Variants in GRAMD2B observed in about 807,000 individuals in gnomAD.
The protein encoded by GRAMD2B is GRAM domain containing 2B.
Under a neutral mutation model 59.2 loss-of-function variants are expected in GRAMD2B, and 41 were observed. The observed-to-expected ratio is 0.69, with a 90% CI of 0.54 to 0.90. The LOEUF (loss-of-function observed/expected upper bound fraction) is 0.90. Among genes scored for constraint, GRAMD2B ranks in the 40% least tolerant of loss-of-function variants. The probability of loss-of-function intolerance (pLI) is 0.00; values close to 1 mark genes in which losing one functional copy is unlikely to be tolerated. For synonymous variants in GRAMD2B, 161 were observed against 182.7 expected (o/e 0.88, Z 0.96); for missense variants, 424 against 500.5 (o/e 0.85, Z 1.46).
intron 1 of GRAMD2B, among the ~76,000 whole-genome samples, chr5:126,454,868 T>A (rs62394662): frequency 1.3e-5 from 2 of 152,286 alleles, no homozygotes; most frequent in East Asian, 3.9e-4. Flanking sequence ...ATTCTTTTTA[T>A]TGTTGACCTA....
chr5:126,374,479 T>G (rs1231019039), intron 1 of GRAMD2B, among the ~76,000 whole-genome samples: 1 of 152,232 alleles, frequency 6.6e-6, no homozygotes, highest in African/African-American at 2.4e-5. Context: ...TTGTTATGTG[T>G]TGCAAGTATT....
chr5:126,391,070 G>A (rs1187671367), intron 1 of GRAMD2B, among the ~76,000 whole-genome samples: 1 of 151,918 alleles, frequency 6.6e-6, no homozygotes, highest in African/African-American at 2.4e-5. Flanking sequence ...TTAAAATCTG[G>A]TACAGGAGTT....
chr5:126,378,323 TA>T (rs1561460862), intron 1 of GRAMD2B, among the ~76,000 whole-genome samples: 1 of 152,172 alleles, frequency 6.6e-6, no homozygotes, highest in Admixed American at 6.5e-5. Context: ...CTATAAATTA[TA>T]AAAAAATATT....
chr5:126,476,026 T>G (rs901418231), intron 5 of GRAMD2B, among the ~76,000 whole-genome samples: 1 of 152,190 alleles, frequency 6.6e-6, no homozygotes, highest in Non-Finnish European at 1.5e-5. Flanking sequence ...GAGAATCACT[T>G]GAACCCAGTG....
intron 1 of GRAMD2B, among the ~76,000 whole-genome samples, chr5:126,408,217 CT>C (rs990057377): frequency 5.3e-5 from 8 of 151,988 alleles, no homozygotes; most frequent in African/African-American, 1.7e-4. Flanking sequence ...TTTTCTGTTC[CT>C]GTGTTAATTC....
chr5:126,407,627 A>G (rs903055861), intron 1 of GRAMD2B, among the ~76,000 whole-genome samples: 5 of 152,040 alleles, frequency 3.3e-5, no homozygotes, highest in Admixed American at 2.6e-4. Context: ...CAGCATAAAT[A>G]GGGTTCAAAT....
At chr5:126,438,707 G>A (rs995781939) in intron 1 of GRAMD2B, among the ~76,000 whole-genome samples, 1 of 152,164 alleles carries the variant, frequency 6.6e-6, no homozygotes, top group Non-Finnish European at 1.5e-5. Context: ...AATGTGGTCA[G>A]AATCTTGGTA....
chr5:126,422,748 G>A (rs2149778569), upstream of GRAMD2B, among the ~76,000 whole-genome samples: 1 of 152,318 alleles, frequency 6.6e-6, no homozygotes, highest in Non-Finnish European at 1.5e-5. Flanking sequence ...GGAAGAAGAG[G>A]CATTCACGGT....
intron 1 of GRAMD2B, among the ~76,000 whole-genome samples, chr5:126,381,702 C>T (rs1047132432): frequency 1.3e-5 from 2 of 151,964 alleles, no homozygotes; most frequent in Admixed American, 6.6e-5. Flanking sequence ...ATTAGTATTG[C>T]GATGTGAGGT....
intron 1 of GRAMD2B, 80 bp from the exon 2 acceptor site, chr5:126,465,346 A>T: frequency 6.3e-7 from 1 of 1,599,440 alleles, no homozygotes. Flanking sequence ...ATTCTCTAGA[A>T]AACCATGTTA....
At chr5:126,398,342 T>A (rs1048078472) in intron 1 of GRAMD2B, among the ~76,000 whole-genome samples, 1 of 152,114 alleles carries the variant, frequency 6.6e-6, no homozygotes, top group African/African-American at 2.4e-5. Context: ...TTCTGTATCT[T>A]CATGATTCAG....
intron 13 of GRAMD2B, among the ~76,000 whole-genome samples, chr5:126,490,125 A>G (rs1581300286): frequency 6.6e-6 from 1 of 152,202 alleles, no homozygotes; most frequent in East Asian, 1.9e-4. Flanking sequence ...AACCTAGAGA[A>G]GGTATGAGTT....
intron 5 of GRAMD2B, among the ~76,000 whole-genome samples, chr5:126,477,351 T>G (rs1337166110): frequency 6.6e-6 from 1 of 152,226 alleles, no homozygotes; most frequent in Non-Finnish European, 1.5e-5. Context: ...CCAAAGTGGA[T>G]GACCACAAGC....
Position 126,480,796 on chromosome 5 carries a change from G to A in GRAMD2B, c.735+89G>A. On this transcript the variant is annotated intron_variant, in intron 8 of 13. Coordinates refer to ENST00000285689, the MANE Select transcript of GRAMD2B (RefSeq NM_023927.4). Reference sequence around the variant, plus strand: ...TGCTTACACCATGACCAGGGTGTGGGAAGAGCTTAGGACCAAAATATTTGA... The same window carrying A: ...TGCTTACACCATGACCAGGGTGTGGAAAGAGCTTAGGACCAAAATATTTGA... The A allele has an allele frequency of 9.9e-6, 12 of 1,209,028 alleles. No individual in the cohort carries two copies. In the South Asian group the frequency reaches 1.5e-4, roughly 15 times the overall value. 74.9% of individuals were successfully genotyped at this position (1,209,028 alleles called of 1,614,324 possible). A position where few individuals can be genotyped will look rare whatever the true frequency, so the allele number is the denominator to read the frequency against.
chr5:126,471,555 T>C (rs148834938), intron 3 of GRAMD2B, among the ~76,000 whole-genome samples: 3 of 152,198 alleles, frequency 2.0e-5, no homozygotes, highest in Non-Finnish European at 4.4e-5. Context: ...TTGTATGAAA[T>C]CCTACTTGTC....
In GRAMD2B at chr5:126,484,594, T is replaced by G. The variant is rs1264515247; in HGVS notation, c.970+70T>G. The G allele has an allele frequency of 4.6e-5, 69 of 1,495,466 alleles. 1 individual carries two copies. The East Asian group carries it at 1.6e-3, about 34-fold the overall frequency. The allele number at this position is 1,495,466 out of a possible 1,614,324, so 92.6% of individuals were successfully genotyped here. A position where few individuals can be genotyped will look rare whatever the true frequency, so the allele number is the denominator to read the frequency against. On this transcript the variant is annotated intron_variant, in intron 10 of 13. Transcript: ENST00000285689. ...GATGTCTGTTTGTAACTTTTTTTTT[T>G]TTTTTAGACAGCATCTTGCTCTATC...
intron 1 of GRAMD2B, among the ~76,000 whole-genome samples, chr5:126,377,786 A>G (rs1396995441): frequency 6.6e-6 from 1 of 152,210 alleles, no homozygotes; most frequent in Non-Finnish European, 1.5e-5. Context: ...CATGATATGA[A>G]CATGGTGTCA....
At chr5:126,479,849 A>G (rs1771387771) in intron 6 of GRAMD2B, among the ~76,000 whole-genome samples, 1 of 152,012 alleles carries the variant, frequency 6.6e-6, no homozygotes. Flanking sequence ...TGGTAAAATC[A>G]TTTTTCCTCA....
intron 1 of GRAMD2B, among the ~76,000 whole-genome samples, chr5:126,427,426 G>T (rs936169743): frequency 1.2e-4 from 18 of 152,086 alleles, no homozygotes; most frequent in African/African-American, 4.1e-4. Context: ...CTTGATTCAT[G>T]TTTCAAATAA....
Sources: allele counts gnomAD v4.1 joint callset (sites outside exome capture counted in the v4.1 genomes callset), GRCh38; gene constraint gnomAD v4.1.1; transcripts MANE v1.5; gene names NCBI Gene and HGNC (gene_info 2026-07-23, HGNC 2026-07-21).